ZMYM2: variants seen among roughly 807,000 people sequenced by gnomAD.
ZMYM2 encodes zinc finger MYM-type containing 2, also known as zinc finger MYM-type protein 2.
Under a neutral mutation model 162.8 loss-of-function variants are expected in ZMYM2, and 56 were observed. The observed-to-expected ratio is 0.34, with a 90% confidence interval of 0.28 to 0.43. The LOEUF is 0.43. ZMYM2 is among the 20% of genes least tolerant of loss of function. ZMYM2 has a pLI of 1.00. For synonymous variants in ZMYM2, 510 were observed against 541.6 expected, an observed-to-expected ratio of 0.94 and a Z score of 0.81; for missense variants, 1,275 against 1,621.8, an observed-to-expected ratio of 0.79 and a Z score of 3.67.
chr13:20,071,957 A>G (rs1372194713), intron 21 of ZMYM2: 2 of 188,596 alleles, frequency 1.1e-5, no homozygotes, highest in African/African-American at 4.7e-5. Flanking sequence ...ACAAAGTTAT[A>G]TAATTGCTTT....
At chr13:20,030,746 C>A (rs540211276) in intron 9 of ZMYM2, among the ~76,000 whole-genome samples, 1 of 151,806 alleles carries the variant, frequency 6.6e-6, no homozygotes, top group Non-Finnish European at 1.5e-5. Context: ...GTTGACCAGG[C>A]TGGTCTCGAA....
upstream of ZMYM2, among the ~76,000 whole-genome samples, chr13:19,954,601 A>G (rs1387220460): frequency 6.6e-6 from 1 of 152,192 alleles, no homozygotes; most frequent in Non-Finnish European, 1.5e-5. Context: ...TGGTTGCTAT[A>G]ATACCAAACA....
the ZMYM2 span, among the ~76,000 whole-genome samples, chr13:19,948,786 G>A: frequency 6.6e-6 from 1 of 152,106 alleles, no homozygotes; most frequent in East Asian, 1.9e-4. Context: ...TGTGGAATGG[G>A]GTGTGTGGGA....
At chr13:20,046,619 G>A (rs55840777) in intron 12 of ZMYM2, among the ~76,000 whole-genome samples, 2,840 of 59,000 alleles carry the variant, frequency 0.048, 44 homozygotes, top group Admixed American at 0.064. Flanking sequence ...ATATATATGT[G>A]TATATATATG....
intron 10 of ZMYM2, among the ~76,000 whole-genome samples, chr13:20,032,707 C>G (rs1459892535): frequency 7.2e-6 from 1 of 138,520 alleles, no homozygotes; most frequent in Non-Finnish European, 1.5e-5. Context: ...CTCCCAGGTT[C>G]AAGCGATTCT....
chr13:20,005,043 G>A, intron 4 of ZMYM2, 31 bp from the exon 5 acceptor site: 2 of 1,547,554 alleles, frequency 1.3e-6, no homozygotes, highest in Non-Finnish European at 8.7e-7. Flanking sequence ...CTTTTAAAAT[G>A]GAATTTTAAT....
chr13:20,011,842 G>A lies in ZMYM2; in HGVS notation c.1512+5256G>A, dbSNP rs185097424. ...TCTGCTCATGCAACCTCCACCTCCC[G>A]CGTTCAAGCAATTATCCTGCCTCAG... is the stretch of plus-strand genomic sequence containing the variant. On this transcript the variant is annotated intron_variant, in intron 6 of 24. Coordinates refer to ENST00000610343, the MANE Select transcript of ZMYM2 (RefSeq NM_197968.4). Among the ~76,000 whole-genome samples the A allele has an allele frequency of 1.9e-4, 29 of 150,626 alleles. No individual in the cohort carries two copies. In the East Asian group the frequency reaches 4.2e-3, roughly 22 times the overall value.
chr13:20,032,335 A>G (rs1317386130), intron 10 of ZMYM2, among the ~76,000 whole-genome samples: 3 of 146,532 alleles, frequency 2.0e-5, no homozygotes, highest in African/African-American at 2.5e-5. Flanking sequence ...AGATGGATAC[A>G]TGGCCAAGAC....
At chr13:19,926,868 A>G in the ZMYM2 span, among the ~76,000 whole-genome samples, 3 of 152,048 alleles carry the variant, frequency 2.0e-5, no homozygotes, top group African/African-American at 7.2e-5. Flanking sequence ...GGGTTTCACC[A>G]TATTGGCCAG....
chr13:19,946,158 C>T, the ZMYM2 span, among the ~76,000 whole-genome samples: 7 of 152,258 alleles, frequency 4.6e-5, no homozygotes, highest in East Asian at 7.7e-4. Context: ...CAAAATTCTA[C>T]GCTTGCTACC....
the ZMYM2 span, among the ~76,000 whole-genome samples, chr13:19,885,861 A>T: frequency 1.9e-5 from 1 of 53,090 alleles, no homozygotes; most frequent in African/African-American, 5.3e-5. Flanking sequence ...AAAAAAAAAA[A>T]AATATATATA....
intron 12 of ZMYM2, among the ~76,000 whole-genome samples, chr13:20,046,554 TA>T (rs137929093): frequency 8.8e-4 from 67 of 76,372 alleles, no homozygotes; most frequent in East Asian, 4.1e-3. Flanking sequence ...ACTTTGTCTC[TA>T]AAAAAAAAAA....
chr13:19,921,924 C>CT, the ZMYM2 span, among the ~76,000 whole-genome samples: 3 of 150,548 alleles, frequency 2.0e-5, no homozygotes, highest in Admixed American at 2.0e-4. Flanking sequence ...TTTTTTTTTC[C>CT]TTTTTTTGAG....
Position 20,062,878 on chromosome 13 carries a change from G to A in ZMYM2, c.2944G>A (p.Asp982Asn). The A allele has an allele frequency of 6.3e-7, 1 of 1,590,260 alleles. No individual in the cohort carries two copies. The highest frequency in any genetic ancestry group is 8.6e-7 in the Non-Finnish European group (1 of 1,166,276). ...TATTGAAACAGATATAATTGGTTCAGACCTTTTGAAGAACTCTGACCCAGA... is the reference window on the plus strand; with the variant it reads ...TATTGAAACAGATATAATTGGTTCAAACCTTTTGAAGAACTCTGACCCAGA... ...VIIETDIIGS[D>N]LLKNSDPETQ... is the part of the protein sequence containing the mutation. The change falls in exon 18 of 25, where the codon GAC (aspartate) becomes AAC (asparagine). Residue 982 changes from aspartate (D) to asparagine (N), a missense_variant. Physicochemically the swap from Asp to Asn is conservative, Grantham distance 23 (BLOSUM62 1). Transcript: ENST00000610343.
the ZMYM2 span, among the ~76,000 whole-genome samples, chr13:19,903,817 T>C: frequency 6.6e-6 from 1 of 151,682 alleles, no homozygotes; most frequent in South Asian, 2.1e-4. Context: ...CCACTGCACT[T>C]CAGCCTGGGT....
intron 4 of ZMYM2, among the ~76,000 whole-genome samples, chr13:20,004,062 A>G (rs548325200): frequency 3.9e-5 from 6 of 152,308 alleles, no homozygotes; most frequent in East Asian, 1.9e-4. Context: ...GAGCAGCTCA[A>G]TTCTCCGAAG....
rs1950759517 is a variant in ZMYM2, at chr13:20,006,545, A to G, written c.1471A>G (p.Lys491Glu). Residue 491 changes from lysine (K) to glutamate (E), a missense_variant, in exon 6 of 25, where the codon AAA (lysine) becomes GAA (glutamate). Lys to Glu is a moderately conservative substitution (Grantham distance 56). Around this residue, in one of 10 missense-constraint regions of ZMYM2, gnomAD observed 276 missense variants for 311.8 expected, o/e 0.89. Coordinates refer to ENST00000610343, the MANE Select transcript of ZMYM2 (RefSeq NM_197968.4). ...NNVLVIDGQQKRFCCQSCVSE... is the reference protein window; with the variant it reads ...NNVLVIDGQQERFCCQSCVSE... ...TGTTCTGGTGATTGATGGTCAACAG[A>G]AAAGATTTTGCTGTCAAAGTTGTGT... 6.2e-7 allele frequency: 1 copy of G among 1,613,936 alleles called. No individual in the cohort carries two copies. Among genetic ancestry groups the G allele is most frequent in the South Asian group, 1.1e-5 (1 of 91,068 alleles).
chr13:19,909,573 C>T, the ZMYM2 span, among the ~76,000 whole-genome samples: 1 of 152,010 alleles, frequency 6.6e-6, no homozygotes, highest in African/African-American at 2.4e-5. Context: ...GCCAGGATTA[C>T]AGGCACGTGA....
At chr13:19,979,590 C>G (rs1451162804) in intron 2 of ZMYM2, among the ~76,000 whole-genome samples, 2 of 152,066 alleles carry the variant, frequency 1.3e-5, no homozygotes, top group African/African-American at 4.8e-5. Flanking sequence ...GTGATAGATG[C>G]TACAGGGAAA....
Sources: allele counts gnomAD v4.1 joint callset (sites outside exome capture counted in the v4.1 genomes callset), GRCh38; gene constraint gnomAD v4.1.1; regional missense constraint gnomAD v4.1.1; transcripts MANE v1.5; gene names NCBI Gene and HGNC (gene_info 2026-07-23, HGNC 2026-07-21).